Variants in MPPED2 observed in about 807,000 individuals in gnomAD.
The protein encoded by MPPED2 is metallophosphoesterase domain containing 2.
In MPPED2, 5 loss-of-function variants were observed where a neutral mutation model predicts 33.0. That is an observed-to-expected ratio of 0.15 (90% CI 0.08 to 0.32). The LOEUF is 0.32. Among genes scored for constraint, MPPED2 ranks in the 10% least tolerant of loss-of-function variants. MPPED2 has a pLI of 1.00. For synonymous variants in MPPED2, 136 were observed against 141.9 expected, an observed-to-expected ratio of 0.96 and a Z score of 0.29; for missense variants, 275 against 372.1, an observed-to-expected ratio of 0.74 and a Z score of 2.15.
chr11:30,481,399 C>T (rs1455082721), intron 4 of MPPED2, among the ~76,000 whole-genome samples: 1 of 152,114 alleles, frequency 6.6e-6, no homozygotes, highest in African/African-American at 2.4e-5. Context: ...CGTATAAAAA[C>T]CAAATTTCAC....
chr11:30,434,428 G>A (rs1204235496), intron 4 of MPPED2, among the ~76,000 whole-genome samples: 2 of 152,176 alleles, frequency 1.3e-5, no homozygotes, highest in Admixed American at 1.3e-4. Flanking sequence ...GTGCAGGGCT[G>A]TAATTCTCAA....
intron 4 of MPPED2, chr11:30,429,329 T>G (rs1948978982): frequency 6.6e-6 from 1 of 152,172 alleles, no homozygotes; most frequent in African/African-American, 2.4e-5. Context: ...GTTTGAAAGC[T>G]CGGGGGAATT....
chr11:30,541,343 T>C (rs537026793), intron 2 of MPPED2, among the ~76,000 whole-genome samples: 1 of 152,306 alleles, frequency 6.6e-6, no homozygotes, highest in African/African-American at 2.4e-5. Context: ...TTATTGTTTT[T>C]CCAATAACAA....
At chr11:30,442,889 C>T (rs1195222095) in intron 4 of MPPED2, among the ~76,000 whole-genome samples, 6 of 152,118 alleles carry the variant, frequency 3.9e-5, no homozygotes, top group African/African-American at 1.2e-4. Flanking sequence ...TGGCTTGAGC[C>T]TGTAGCTCCA....
In MPPED2 at chr11:30,411,493, T is replaced by C. The variant is rs1309320246; in HGVS notation, c.860A>G (p.Asp287Gly). Residue 287 changes from aspartate to glycine, a missense_variant, in exon 7 of 7, where the codon GAC becomes GGC. Asp to Gly is a moderately conservative substitution (Grantham distance 94, BLOSUM62 -1). Coordinates refer to ENST00000358117, the MANE Select transcript of MPPED2 (RefSeq NM_001584.3). The stretch of plus-strand genomic sequence containing the variant: ...TCAGGAACCCTGTGGGTTTGGAAGG[T>C]CAAATATAATTGGAGGGTTGGTCGG... ...FQPTNPPIIF[D>G]LPNPQGS 1 of 1,613,792 alleles carries C rather than the reference T, an allele frequency of 6.2e-7. No individual in the cohort carries two copies. The highest frequency in any genetic ancestry group is 2.2e-5 in the East Asian group (1 of 44,888).
chr11:30,424,198 G>T (rs1948734557), intron 4 of MPPED2, among the ~76,000 whole-genome samples: 1 of 152,172 alleles, frequency 6.6e-6, no homozygotes, highest in African/African-American at 2.4e-5. Flanking sequence ...CAGACAAGCG[G>T]TTACTTTGGG....
downstream of MPPED2, among the ~76,000 whole-genome samples, chr11:30,409,333 CT>C (rs1948037401): frequency 6.6e-6 from 1 of 152,216 alleles, no homozygotes; most frequent in Admixed American, 6.5e-5. Flanking sequence ...GTGTTGTCCA[CT>C]TGTCATAGCA....
At chr11:30,499,741 T>C (rs974508146) in intron 3 of MPPED2, among the ~76,000 whole-genome samples, 1 of 152,186 alleles carries the variant, frequency 6.6e-6, no homozygotes, top group African/African-American at 2.4e-5. Flanking sequence ...GCTTCCTCAT[T>C]TCACTTCTAA....
intron 1 of MPPED2, among the ~76,000 whole-genome samples, chr11:30,581,419 G>A (rs1334609818): frequency 6.6e-6 from 1 of 152,168 alleles, no homozygotes; most frequent in Non-Finnish European, 1.5e-5. Flanking sequence ...GGTGTGCAAA[G>A]GCTGAGGGAA....
intron 5 of MPPED2, among the ~76,000 whole-genome samples, chr11:30,414,852 A>G (rs964644127): frequency 6.6e-6 from 1 of 152,214 alleles, no homozygotes; most frequent in Non-Finnish European, 1.5e-5. Flanking sequence ...AGCTTTGGAA[A>G]GCTAGGTTGC....
chr11:30,547,381 T>C (rs998719735), intron 2 of MPPED2, among the ~76,000 whole-genome samples: 1 of 152,238 alleles, frequency 6.6e-6, no homozygotes. Flanking sequence ...GCCTAATATT[T>C]AGCAGTATTT....
At chr11:30,547,827 T>A (rs2134595644) in intron 2 of MPPED2, among the ~76,000 whole-genome samples, 1 of 101,994 alleles carries the variant, frequency 9.8e-6, no homozygotes, top group Middle Eastern at 5.8e-3. Flanking sequence ...TTTGCATATC[T>A]GTATTTGAGT....
At chr11:30,404,108 G>C (rs667511) in intron 6 of MPPED2, among the ~76,000 whole-genome samples, 1 of 151,958 alleles carries the variant, frequency 6.6e-6, no homozygotes, top group Admixed American at 6.6e-5. Context: ...TACCACCATG[G>C]AGACCTGGCC....
At chr11:30,499,270 T>C (rs2134232910) in intron 3 of MPPED2, among the ~76,000 whole-genome samples, 1 of 152,356 alleles carries the variant, frequency 6.6e-6, no homozygotes, top group East Asian at 1.9e-4. Flanking sequence ...TAACAGAGGT[T>C]GAGCATCCTT....
chr11:30,558,845 G>C (rs1013977677), intron 2 of MPPED2, among the ~76,000 whole-genome samples: 1 of 151,086 alleles, frequency 6.6e-6, no homozygotes, highest in Non-Finnish European at 1.5e-5. Context: ...AAAATGCTTT[G>C]AGTCACAACC....
intron 4 of MPPED2, among the ~76,000 whole-genome samples, chr11:30,423,574 G>T (rs923222055): frequency 6.6e-6 from 1 of 152,162 alleles, no homozygotes; most frequent in African/African-American, 2.4e-5. Flanking sequence ...TTCTTATTTT[G>T]AAGGCAACGG....
At chr11:30,495,035 C>T (rs1448052270) in intron 4 of MPPED2, 1 of 444,746 alleles carries the variant, frequency 2.2e-6, no homozygotes, top group East Asian at 3.9e-5. Context: ...GGACCAATAC[C>T]CCATGGACAC....
intron 2 of MPPED2, among the ~76,000 whole-genome samples, chr11:30,573,258 G>A (rs2134837861): frequency 6.6e-6 from 1 of 152,212 alleles, no homozygotes; most frequent in Admixed American, 6.5e-5. Flanking sequence ...TATTACTCAT[G>A]TGTTTATGGT....
Position 30,438,951 on chromosome 11 carries a change from A to T in MPPED2, c.537-21318T>A, listed in dbSNP as rs114939808. The stretch of plus-strand genomic sequence containing the variant: ...TAGCATTTGGCTCAGTGTCAGACTC[A>T]GAGAAGGAACATGCTAAATAGTTGT... On this transcript the variant is annotated intron_variant, in intron 4 of 6. Transcript: ENST00000358117. 7.7e-3 allele frequency among the ~76,000 whole-genome samples: 1,168 copies of T among 152,344 alleles called. 22 individuals are homozygous for T. Among genetic ancestry groups the T allele is most frequent in the African/African-American group, 0.026 (1,094 of 41,584 alleles).
Sources: gnomAD v4.1 joint callset for allele counts (sites outside exome capture counted in the v4.1 genomes callset) on GRCh38, gnomAD v4.1.1 for gene constraint, MANE v1.5 for transcripts, NCBI Gene and HGNC (gene_info 2026-07-23, HGNC 2026-07-21) for gene names.